TEC: variants seen among roughly 807,000 people sequenced by gnomAD.
The protein encoded by TEC is tec protein tyrosine kinase, also known as tyrosine-protein kinase Tec.
TEC carries 72 observed loss-of-function variants against 93.0 expected under a neutral mutation model. The observed-to-expected ratio is 0.77, with a 90% CI of 0.64 to 0.94. TEC has a LOEUF of 0.94. TEC is among the 40% of genes least tolerant of loss of function. The pLI, the probability that TEC is intolerant of heterozygous loss-of-function variation, is 0.00. For synonymous variants in TEC, 249 were observed against 247.7 expected (o/e 1.01, Z -0.05); for missense variants, 630 against 757.9 (o/e 0.83, Z 1.98).
At chr4:48,165,202 A>G (rs1296890495) in intron 7 of TEC, among the ~76,000 whole-genome samples, 1 of 152,330 alleles carries the variant, frequency 6.6e-6, no homozygotes, top group East Asian at 1.9e-4. Flanking sequence ...TAATGGTGGC[A>G]ATGGATTGGA....
rs773194420 is a variant in TEC at position 48,141,460 on chromosome 4, CTA to C, written c.1471-43_1471-42del. ...ATGATGGTATATTAGTTTAAAAATT[CTA>C]TCATTTAAGTAGGAAAATGTAAGTT... On this transcript the variant is annotated intron_variant, in intron 14 of 17. Coordinates refer to ENST00000381501, the MANE Select transcript of TEC (RefSeq NM_003215.3). 60 of 1,581,776 alleles carry C rather than the reference CTA, an allele frequency of 3.8e-5. No homozygotes were observed. The African/African-American group carries it at 6.3e-4, about 17-fold the overall frequency.
intron 1 of TEC, among the ~76,000 whole-genome samples, chr4:48,265,105 CA>C (rs1288708308): frequency 9.2e-5 from 14 of 151,800 alleles, no homozygotes; most frequent in African/African-American, 3.1e-4. Flanking sequence ...AAAGTTGCTC[CA>C]AAAAATCATT....
intron 1 of TEC, among the ~76,000 whole-genome samples, chr4:48,239,653 T>C (rs1440651958): frequency 1.3e-5 from 2 of 152,188 alleles, no homozygotes; most frequent in Non-Finnish European, 2.9e-5. Flanking sequence ...TATGAAACAT[T>C]CATCCGTGTC....
chr4:48,166,618 G>A (rs1177442109), intron 7 of TEC, among the ~76,000 whole-genome samples: 1 of 151,684 alleles, frequency 6.6e-6, no homozygotes, highest in Non-Finnish European at 1.5e-5. Flanking sequence ...CTGGCAAAAT[G>A]TTGGTAATTT....
intron 11 of TEC, 84 bp downstream of exon 11, chr4:48,149,473 A>G: frequency 7.4e-7 from 1 of 1,350,456 alleles, no homozygotes; most frequent in South Asian, 1.7e-5. Context: ...ACTATAAAAT[A>G]AAACTGCTCA....
In TEC at chr4:48,267,469, T is replaced by C. The variant is rs576166742; in HGVS notation, c.-46+2283A>G. Among the ~76,000 whole-genome samples the C allele has an allele frequency of 2.0e-5, 3 of 152,310 alleles. No homozygotes were observed. The South Asian group carries it at 6.2e-4, about 32-fold the overall frequency. On this transcript the variant is annotated intron_variant, in intron 1 of 17. Coordinates refer to ENST00000381501, the MANE Select transcript of TEC (RefSeq NM_003215.3). ...TTCCTTCTGGGTTGTTTCTTATTTTTCCACAAACCTTTTATAATAGCATAA... is the reference window on the plus strand; with the variant it reads ...TTCCTTCTGGGTTGTTTCTTATTTTCCCACAAACCTTTTATAATAGCATAA...
intron 9 of TEC, among the ~76,000 whole-genome samples, chr4:48,155,011 A>G (rs1164014513): frequency 6.6e-6 from 1 of 152,244 alleles, no homozygotes; most frequent in Non-Finnish European, 1.5e-5. Flanking sequence ...CAAAAGGGCC[A>G]GGGTCCCTTG....
intron 2 of TEC, among the ~76,000 whole-genome samples, chr4:48,223,964 A>G (rs566990871): frequency 4.6e-5 from 7 of 152,246 alleles, no homozygotes; most frequent in South Asian, 2.1e-4. Context: ...GGAATTATGC[A>G]CATCCTCTGG....
At chr4:48,202,402 C>A (rs1244738580) in intron 2 of TEC, among the ~76,000 whole-genome samples, 2 of 151,968 alleles carry the variant, frequency 1.3e-5, no homozygotes, top group Non-Finnish European at 2.9e-5. Context: ...CCTGTCTCTA[C>A]TAAAAATACA....
At chr4:48,169,641 T>C (rs2109545101) in intron 5 of TEC, among the ~76,000 whole-genome samples, 1 of 152,264 alleles carries the variant, frequency 6.6e-6, no homozygotes, top group East Asian at 1.9e-4. Flanking sequence ...AAACGGTATA[T>C]CCAATCATTA....
rs34965891 is a variant in TEC at position 48,199,455 on chromosome 4, C to CTTTTTTTTTTTTTTTTTTTTT, written c.139-23290_139-23270dup. ...CTGGGCTACAGAAAGGATTTTCTTTCTTTTTTTTTTTTTTTTTTTTTTTTT... is the reference window on the plus strand; with the variant it reads ...CTGGGCTACAGAAAGGATTTTCTTTCTTTTTTTTTTTTTTTTTTTTTTTTTTTTTTTTTTTTTTTTTTTTTT... On this transcript the variant is annotated intron_variant, in intron 2 of 17. Transcript: ENST00000381501. Among the ~76,000 whole-genome samples, 6 of 67,360 alleles carry CTTTTTTTTTTTTTTTTTTTTT rather than the reference C, an allele frequency of 8.9e-5. 1 individual carries two copies. The highest frequency in any genetic ancestry group is 1.3e-4 in the Non-Finnish European group (5 of 38,664). The allele number at this position is 67,360 out of a possible 152,430, so 44.2% of individuals were successfully genotyped here. A position where few individuals can be genotyped will look rare whatever the true frequency, so the allele number is the denominator to read the frequency against.
At chr4:48,180,551 TATTTTG>T (rs1395376043) in intron 2 of TEC, among the ~76,000 whole-genome samples, 5 of 152,178 alleles carry the variant, frequency 3.3e-5, no homozygotes, top group African/African-American at 1.2e-4. Flanking sequence ...AAGGAAGTGA[TATTTTG>T]ATTTTATTTT....
intron 1 of TEC, among the ~76,000 whole-genome samples, chr4:48,263,245 C>A (rs574209728): frequency 3.9e-5 from 6 of 152,256 alleles, no homozygotes; most frequent in African/African-American, 1.4e-4. Context: ...ATAAACTGGC[C>A]TCCAGAAGGA....
At chr4:48,165,781 A>AT (rs2109539209) in intron 7 of TEC, among the ~76,000 whole-genome samples, 1 of 152,368 alleles carries the variant, frequency 6.6e-6, no homozygotes, top group African/African-American at 2.4e-5. Context: ...TAAGAGAAAC[A>AT]TAAGAGATAT....
chr4:48,169,554 A>G (rs1019890226), intron 5 of TEC, among the ~76,000 whole-genome samples: 1 of 152,038 alleles, frequency 6.6e-6, no homozygotes. Flanking sequence ...ATCCCTGCCA[A>G]GTAGTAGTTC....
intron 2 of TEC, among the ~76,000 whole-genome samples, chr4:48,220,194 A>G (rs1723215988): frequency 6.6e-6 from 1 of 150,908 alleles, no homozygotes; most frequent in South Asian, 2.1e-4. Flanking sequence ...CCTCATCTCT[A>G]GGATATCCAG....
intron 1 of TEC, among the ~76,000 whole-genome samples, chr4:48,245,920 G>A (rs929696419): frequency 1.3e-5 from 2 of 152,068 alleles, no homozygotes; most frequent in African/African-American, 4.8e-5. Flanking sequence ...AGACCGGCCT[G>A]ACCAGCATGG....
At chr4:48,242,380 G>T (rs1371044718) in intron 1 of TEC, among the ~76,000 whole-genome samples, 2 of 152,174 alleles carry the variant, frequency 1.3e-5, no homozygotes, top group African/African-American at 2.4e-5. Flanking sequence ...TGGGTATTCG[G>T]TAAGTATTTA....
intron 2 of TEC, among the ~76,000 whole-genome samples, chr4:48,214,450 C>T (rs73138468): frequency 0.014 from 2,062 of 152,242 alleles, 54 homozygotes; most frequent in African/African-American, 0.048. Context: ...TTTGACCTAA[C>T]GATTTTTCAA....
Sources: gnomAD v4.1 joint callset for allele counts (sites outside exome capture counted in the v4.1 genomes callset) on GRCh38, gnomAD v4.1.1 for gene constraint, MANE v1.5 for transcripts, NCBI Gene and HGNC (gene_info 2026-07-23, HGNC 2026-07-21) for gene names.